The following NDRG4 variants were observed in gnomAD, a reference collection of about 807,000 sequenced individuals.
The protein encoded by NDRG4 is NDRG family member 4, also known as protein NDRG4.
Under a neutral mutation model 55.8 loss-of-function variants are expected in NDRG4, and 38 were observed. The observed-to-expected ratio is 0.68, with a 90% CI of 0.53 to 0.89. NDRG4 has a LOEUF of 0.89. Ranked by LOEUF, NDRG4 falls within the 40% of genes least tolerant of loss-of-function variation. The probability of loss-of-function intolerance (pLI) is 0.00; values close to 1 mark genes in which losing one functional copy is unlikely to be tolerated. For missense variants in NDRG4, 455 were observed against 468.6 expected, an observed-to-expected ratio of 0.97 and a Z score of 0.27; for synonymous variants, 190 against 182.7, an observed-to-expected ratio of 1.04 and a Z score of -0.32.
downstream of NDRG4, among the ~76,000 whole-genome samples, chr16:58,513,819 A>G (rs1181649768): frequency 6.6e-6 from 1 of 152,084 alleles, no homozygotes; most frequent in Non-Finnish European, 1.5e-5. Context: ...TTAGCTGAGC[A>G]TGGTGGCGCG....
intron 5 of NDRG4, chr16:58,506,131 A>AGTGTGTGTGTGT: frequency 4.1e-6 from 2 of 486,898 alleles, no homozygotes; most frequent in Admixed American, 8.8e-5. Context: ...CTGTTGAAAG[A>AGTGTGTGTGTGT]GCGTGTGTGT....
At position 58,503,903 on chromosome 16, in the gene NDRG4, CG is replaced by C. The variant is rs1204518464; in HGVS notation, c.127+1del. 15 of 1,613,444 alleles carry C rather than the reference CG, an allele frequency of 9.3e-6. No individual in the cohort carries two copies. The highest frequency in any genetic ancestry group is 1.3e-5 in the Non-Finnish European group (15 of 1,179,958). On this transcript the variant is annotated splice_donor_variant, in intron 2 of 14. Coordinates refer to ENST00000570248, the MANE Select transcript of NDRG4 (RefSeq NM_001242835.2). LOFTEE classifies it high-confidence loss of function. ...CACCTACCATGATGTGGGCCTCAAC[CG>C]TAAGTGCAGCCCAGCCTCAGTCAGC...
At chr16:58,503,394 C>G (rs2037416595) in intron 1 of NDRG4, among the ~76,000 whole-genome samples, 1 of 152,182 alleles carries the variant, frequency 6.6e-6, no homozygotes, top group Admixed American at 6.5e-5. Flanking sequence ...TGAGGCCGTT[C>G]CCCTGCAGCA....
At chr16:58,483,474 G>A (rs948621333) in intron 1 of NDRG4, among the ~76,000 whole-genome samples, 4 of 152,126 alleles carry the variant, frequency 2.6e-5, no homozygotes, top group Non-Finnish European at 5.9e-5. Context: ...CTAACACAGC[G>A]CAGGAGCCCA....
chr16:58,476,521 C>CT (rs35821166), intron 1 of NDRG4, among the ~76,000 whole-genome samples: 66,203 of 151,856 alleles, frequency 0.44, 15,018 homozygotes, highest in African/African-American at 0.57. Flanking sequence ...TAAGATGCAC[C>CT]TTTTTTTTCA....
chr16:58,507,769 G>T, intron 8 of NDRG4, 39 bp from the exon 9 acceptor site: 1 of 1,603,830 alleles, frequency 6.2e-7, no homozygotes, highest in Non-Finnish European at 8.5e-7. Context: ...CTGTCCTGGG[G>T]TGCCCACCTC....
At position 58,464,356 on chromosome 16, in the gene NDRG4, C is replaced by G. The variant is rs949844172; in HGVS notation, c.-24+559C>G. ...CTGCCGCTCCGCTCCGGGTCTCCCG[C>G]GCTCCTCTCCCCGGCTCGGCCGAGC... On this transcript the variant is annotated intron_variant, in intron 1 of 15. Transcript: ENST00000258187. This position sits in a 1 kb window ranked among gnomAD's most constrained non-coding sequence, Gnocchi z 4.8. 3.1e-6 allele frequency: 4 copies of G among 1,290,106 alleles called. No homozygotes were observed. The highest frequency in any genetic ancestry group is 4.0e-6 in the Non-Finnish European group (4 of 1,001,416). 79.9% of individuals were successfully genotyped at this position (1,290,106 alleles called of 1,614,324 possible). A position where few individuals can be genotyped will look rare whatever the true frequency, so the allele number is the denominator to read the frequency against.
intron 8 of NDRG4, 132 bp from the exon 9 acceptor site, chr16:58,507,676 A>G: frequency 1.2e-6 from 1 of 840,902 alleles, no homozygotes; most frequent in East Asian, 2.7e-5. Flanking sequence ...CGTGACAGGG[A>G]GCCTCCAGTT....
upstream of NDRG4, among the ~76,000 whole-genome samples, chr16:58,496,471 G>T (rs1364048043): frequency 6.6e-6 from 1 of 152,118 alleles, no homozygotes; most frequent in African/African-American, 2.4e-5. Flanking sequence ...CGTTATCTGG[G>T]CCAAGACCTG....
chr16:58,501,653 G>A (rs984197295), intron 1 of NDRG4: 6 of 232,960 alleles, frequency 2.6e-5, no homozygotes, highest in Non-Finnish European at 2.7e-5. Context: ...AGGGTTCAGC[G>A]AAGGTCACTG....
At chr16:58,510,778 T>C in intron 14 of NDRG4, 95 bp downstream of exon 14, 2 of 1,188,370 alleles carry the variant, frequency 1.7e-6, no homozygotes, top group Non-Finnish European at 1.2e-6. Context: ...GGCCGCATCT[T>C]GCTGTGGTTT....
chr16:58,504,634 G>T lies in NDRG4; in HGVS notation c.357G>T (p.Val119=), dbSNP rs964359174. The T allele has an allele frequency of 1.2e-6, 2 of 1,614,192 alleles. No homozygotes were observed. Among genetic ancestry groups the T allele is most frequent in the African/African-American group, 1.3e-5 (1 of 75,046 alleles). Residue 119 remains valine, a synonymous_variant, in exon 5 of 15, where the codon GTG becomes GTT. Coordinates refer to ENST00000570248, the MANE Select transcript of NDRG4 (RefSeq NM_001242835.2). ...IGIGVGAGAY[V]LAKFALIFPD... The stretch of plus-strand genomic sequence containing the variant: ...TCGGAGTGGGCGCCGGAGCCTATGT[G>T]CTGGCCAAGTTTGCAGTGAGTCTCC...
chr16:58,496,655 G>A (rs977062917), upstream of NDRG4, among the ~76,000 whole-genome samples: 14 of 152,092 alleles, frequency 9.2e-5, no homozygotes, highest in Non-Finnish European at 2.9e-5. Context: ...CACTCCATTT[G>A]TCTACCGCAT....
chr16:58,510,239 C>T (rs116021687), intron 13 of NDRG4, among the ~76,000 whole-genome samples: 116 of 152,330 alleles, frequency 7.6e-4, no homozygotes, highest in African/African-American at 2.6e-3. Flanking sequence ...CAGGGCACAG[C>T]AAGCATTTGC....
At chr16:58,481,388 T>G (rs2034370171) in intron 1 of NDRG4, among the ~76,000 whole-genome samples, 2 of 151,682 alleles carry the variant, frequency 1.3e-5, no homozygotes, top group African/African-American at 4.8e-5. Flanking sequence ...TCAGCCCGGG[T>G]CTTTAGCCAG....
At position 58,504,172 on chromosome 16, in the gene NDRG4, CCTT is replaced by C. The variant is rs2037534885; in HGVS notation, c.151_153del (p.Phe51del). On this transcript the variant is annotated inframe_deletion, in exon 3 of 15. Coordinates refer to ENST00000570248, the MANE Select transcript of NDRG4 (RefSeq NM_001242835.2). ...TTTGCAGACAAACTATGCTTCAACA[CCTT>C]CTTCAACTTCGAGGACATGCAGGAG... 1 of 1,614,216 alleles carries C rather than the reference CCTT, an allele frequency of 6.2e-7. No individual in the cohort carries two copies. Among genetic ancestry groups the C allele is most frequent in the Non-Finnish European group, 8.5e-7 (1 of 1,180,040 alleles).
Position 58,506,603 on chromosome 16 carries a change from C to G in NDRG4, c.505C>G (p.Leu169Val). The G allele has an allele frequency of 6.4e-7, 1 of 1,560,680 alleles. No individual in the cohort carries two copies. Among genetic ancestry groups the G allele is most frequent in the Non-Finnish European group, 8.7e-7 (1 of 1,155,628 alleles). The change falls in exon 7 of 15, where the codon CTC (leucine) becomes GTC (valine). Residue 169 changes from leucine to valine, a missense_variant. Leu to Val is a conservative substitution (Grantham distance 32, BLOSUM62 1). Transcript: ENST00000570248. Reference sequence around the variant, plus strand: ...TTTACCCGACACGGTGCTCTCCCACCTCTTCAGCCAGGTAAGGGGGGGAAC... The same window carrying G: ...TTTACCCGACACGGTGCTCTCCCACGTCTTCAGCCAGGTAAGGGGGGGAAC... ...STLPDTVLSH[L>V]FSQEELVNNT...
rs1016484075 is a variant in NDRG4, at chr16:58,464,791, C to A, written c.-24+994C>A. The A allele has an allele frequency of 1.6e-6, 2 of 1,276,790 alleles. No homozygotes were observed. Among genetic ancestry groups the A allele is most frequent in the Non-Finnish European group, 9.9e-7 (1 of 1,012,076 alleles). 79.1% of individuals were successfully genotyped at this position (1,276,790 alleles called of 1,614,324 possible). A position where few individuals can be genotyped will look rare whatever the true frequency, so the allele number is the denominator to read the frequency against. On this transcript the variant is annotated intron_variant, in intron 1 of 15. Transcript: ENST00000258187. This position sits in a 1 kb window ranked among gnomAD's most constrained non-coding sequence, Gnocchi z 4.8. ...TGCCCTCCAATCAGTGTCGCTTGTC[C>A]CCTAAGAAAGGACCCGTGGGCTTCT...
chr16:58,497,148 C>T (rs1348371864), upstream of NDRG4: 1 of 152,004 alleles, frequency 6.6e-6, no homozygotes, highest in Non-Finnish European at 1.5e-5. Flanking sequence ...ATAGTGAAAC[C>T]CCATCTCTAC....
Sources: gnomAD v4.1 joint callset for allele counts (sites outside exome capture counted in the v4.1 genomes callset) on GRCh38, gnomAD v4.1.1 for gene constraint, Gnocchi (gnomAD v3.1) non-coding constraint, MANE v1.5 for transcripts, NCBI Gene and HGNC (gene_info 2026-07-23, HGNC 2026-07-21) for gene names.